The following NLGN1 variants were observed in gnomAD, a reference collection of about 807,000 sequenced individuals.
NLGN1 encodes the protein neuroligin 1, also known as neuroligin-1.
Under a neutral mutation model 65.5 loss-of-function variants are expected in NLGN1, and 12 were observed. The observed-to-expected ratio is 0.18, with a 90% CI of 0.12 to 0.30. The LOEUF is 0.30. Ranked by LOEUF, NLGN1 falls within the 10% of genes least tolerant of loss-of-function variation. The pLI, the probability that NLGN1 is intolerant of heterozygous loss-of-function variation, is 1.00. For synonymous variants in NLGN1, 350 were observed against 359.5 expected, an observed-to-expected ratio of 0.97 and a Z score of 0.30; for missense variants, 750 against 1,007.1, an observed-to-expected ratio of 0.74 and a Z score of 3.46.
chr3:173,540,097 C>T (rs1433961302), intron 2 of NLGN1, among the ~76,000 whole-genome samples: 12 of 151,812 alleles, frequency 7.9e-5, no homozygotes, highest in African/African-American at 2.9e-4. Flanking sequence ...CAGTAGCAGG[C>T]CCAGAGCTGT....
intron 2 of NLGN1, among the ~76,000 whole-genome samples, chr3:173,505,345 C>T (rs1731847300): frequency 6.6e-6 from 1 of 152,120 alleles, no homozygotes; most frequent in Non-Finnish European, 1.5e-5. Context: ...TGGAATCCAG[C>T]AGCCATATTG....
In NLGN1 at chr3:173,841,136, T is replaced by A. The variant is rs1724693479; in HGVS notation, c.646+33304T>A. The stretch of plus-strand genomic sequence containing the variant: ...CTACCAAATAAATTATCATTGTATC[T>A]ATATCTATAGTTATATATATATATA... On this transcript the variant is annotated intron_variant, in intron 4 of 6. Coordinates refer to ENST00000457714, the Ensembl canonical transcript of NLGN1. 3.4e-5 allele frequency among the ~76,000 whole-genome samples: 3 copies of A among 87,702 alleles called. No homozygotes were observed. In the South Asian group the frequency reaches 8.8e-4, roughly 26 times the overall value. The allele number at this position is 87,702 out of a possible 152,430, so 57.5% of individuals were successfully genotyped here.
At chr3:173,738,431 G>T (rs767019185) in intron 3 of NLGN1, among the ~76,000 whole-genome samples, 2 of 152,114 alleles carry the variant, frequency 1.3e-5, no homozygotes, top group East Asian at 1.9e-4. Flanking sequence ...CATGGTGTGA[G>T]GAAGGAGTCC....
chr3:173,894,734 T>G (rs2152141299), intron 4 of NLGN1, among the ~76,000 whole-genome samples: 1 of 151,392 alleles, frequency 6.6e-6, no homozygotes, highest in Admixed American at 6.6e-5. Flanking sequence ...GCCTCCAGGG[T>G]TCAAGTGATT....
chr3:173,941,748 AC>A (rs1039575132), intron 4 of NLGN1, among the ~76,000 whole-genome samples: 1 of 151,964 alleles, frequency 6.6e-6, no homozygotes, highest in African/African-American at 2.4e-5. Context: ...TTATAGGAAA[AC>A]AAACTGAAGT....
chr3:173,816,590 A>C (rs1268458214), intron 4 of NLGN1, among the ~76,000 whole-genome samples: 1 of 152,248 alleles, frequency 6.6e-6, no homozygotes, highest in Non-Finnish European at 1.5e-5. Flanking sequence ...AACCCACTCT[A>C]GTGGCTTTCC....
chr3:173,741,361 T>C (rs758090093), intron 3 of NLGN1, among the ~76,000 whole-genome samples: 9 of 152,134 alleles, frequency 5.9e-5, no homozygotes, highest in Non-Finnish European at 1.2e-4. Context: ...ATATTTCTTA[T>C]ATACCTACTA....
chr3:173,830,148 C>T (rs912473613), intron 4 of NLGN1, among the ~76,000 whole-genome samples: 2 of 152,126 alleles, frequency 1.3e-5, no homozygotes, highest in African/African-American at 4.8e-5. Context: ...TCTATGCACA[C>T]ATCCCAGTAT....
intron 4 of NLGN1, among the ~76,000 whole-genome samples, chr3:174,232,592 A>G (rs1740930933): frequency 6.6e-6 from 1 of 152,240 alleles, no homozygotes; most frequent in Admixed American, 6.5e-5. Context: ...AGAAATGAAT[A>G]TACCATCCTG....
intron 4 of NLGN1, among the ~76,000 whole-genome samples, chr3:174,099,536 A>C (rs1337525319): frequency 6.6e-6 from 1 of 152,148 alleles, no homozygotes; most frequent in Non-Finnish European, 1.5e-5. Context: ...GTTCTTATTG[A>C]AGGCTTTCCC....
At chr3:174,068,516 A>G (rs1739147286) in intron 4 of NLGN1, among the ~76,000 whole-genome samples, 1 of 152,082 alleles carries the variant, frequency 6.6e-6, no homozygotes, top group Non-Finnish European at 1.5e-5. Flanking sequence ...TCCAGTAGTT[A>G]AGGCAAGGAC....
intron 4 of NLGN1, among the ~76,000 whole-genome samples, chr3:173,918,976 T>C (rs1376937950): frequency 6.6e-6 from 1 of 152,106 alleles, no homozygotes; most frequent in Non-Finnish European, 1.5e-5. Flanking sequence ...TTGAATAAAC[T>C]AGCAGTCCAG....
chr3:174,288,336 C>T (rs1752356434), downstream of NLGN1, among the ~76,000 whole-genome samples: 1 of 151,442 alleles, frequency 6.6e-6, no homozygotes, highest in Non-Finnish European at 1.5e-5. Flanking sequence ...GCATAAATCT[C>T]ATCTGATCCA....
intron 3 of NLGN1, among the ~76,000 whole-genome samples, chr3:173,766,026 T>G (rs1262104785): frequency 6.6e-6 from 1 of 152,034 alleles, no homozygotes; most frequent in African/African-American, 2.4e-5. Context: ...GTACACATAT[T>G]ATTATATGGA....
intron 4 of NLGN1, among the ~76,000 whole-genome samples, chr3:174,206,876 ACT>A (rs1735517280): frequency 1.3e-5 from 2 of 152,046 alleles, no homozygotes; most frequent in Non-Finnish European, 2.9e-5. Context: ...ATGTAGACAG[ACT>A]CTCAATTGGA....
At chr3:173,625,028 C>T (rs959867437) in intron 3 of NLGN1, among the ~76,000 whole-genome samples, 3 of 152,040 alleles carry the variant, frequency 2.0e-5, no homozygotes, top group African/African-American at 7.2e-5. Context: ...ATATTGTTAA[C>T]TCTGCCCACT....
chr3:173,803,581 C>A (rs571879765), intron 3 of NLGN1, among the ~76,000 whole-genome samples: 3 of 152,230 alleles, frequency 2.0e-5, no homozygotes, highest in South Asian at 4.1e-4. Context: ...GCACCCCAGC[C>A]TGGGCCGCAG....
intron 3 of NLGN1, among the ~76,000 whole-genome samples, chr3:173,777,670 TATCTATC>T (rs1780519704): frequency 6.7e-6 from 1 of 148,914 alleles, no homozygotes; most frequent in African/African-American, 2.5e-5. Flanking sequence ...TCTATCTATC[TATCTATC>T]CATCCCATTT....
At chr3:174,080,144 T>C (rs1741843910) in intron 4 of NLGN1, among the ~76,000 whole-genome samples, 1 of 152,208 alleles carries the variant, frequency 6.6e-6, no homozygotes, top group Non-Finnish European at 1.5e-5. Context: ...TTCTGTCCAA[T>C]CAAACATTTC....
Sources: allele counts gnomAD v4.1 joint callset (sites outside exome capture counted in the v4.1 genomes callset), GRCh38; gene constraint gnomAD v4.1.1; transcripts MANE v1.5; gene names NCBI Gene and HGNC (gene_info 2026-07-23, HGNC 2026-07-21).